Variants in ANO3 observed in about 807,000 individuals in gnomAD.
ANO3 encodes anoctamin 3, also known as anoctamin-3.
In ANO3, 99 loss-of-function variants were observed where a neutral mutation model predicts 144.8. That is an observed-to-expected ratio of 0.68 (90% confidence interval 0.58 to 0.81). ANO3 has a LOEUF of 0.81. ANO3 is among the 30% of genes least tolerant of loss of function. The probability of loss-of-function intolerance (pLI) is 0.00; values close to 1 mark genes in which losing one functional copy is unlikely to be tolerated. For missense variants in ANO3, 905 were observed against 1,202.2 expected, an observed-to-expected ratio of 0.75 and a Z score of 3.66; for synonymous variants, 414 against 392.6, an observed-to-expected ratio of 1.05 and a Z score of -0.64.
intron 1 of ANO3, among the ~76,000 whole-genome samples, chr11:26,214,350 C>T (rs186964481): frequency 6.6e-6 from 1 of 151,930 alleles, no homozygotes; most frequent in East Asian, 1.9e-4. Flanking sequence ...GAGTTTACAA[C>T]TGTCATGCAT....
chr11:26,283,490 T>C (rs954575213), intron 1 of ANO3, among the ~76,000 whole-genome samples: 2 of 151,364 alleles, frequency 1.3e-5, no homozygotes, highest in African/African-American at 4.8e-5. Flanking sequence ...ATTGGTTAAT[T>C]ATGTAAAACA....
At chr11:26,588,300 C>T (rs1416953821) in intron 14 of ANO3, among the ~76,000 whole-genome samples, 1 of 149,986 alleles carries the variant, frequency 6.7e-6, no homozygotes, top group African/African-American at 2.5e-5. Context: ...CAATTTATTT[C>T]AATTAGTGTT....
intron 1 of ANO3, among the ~76,000 whole-genome samples, chr11:26,212,938 C>G (rs1851963843): frequency 6.6e-6 from 1 of 152,124 alleles, no homozygotes; most frequent in African/African-American, 2.4e-5. Context: ...CCACCATGAT[C>G]AAGTCAGCTT....
chr11:26,367,964 C>A (rs1034681443), intron 1 of ANO3, among the ~76,000 whole-genome samples: 1 of 152,144 alleles, frequency 6.6e-6, no homozygotes, highest in African/African-American at 2.4e-5. Flanking sequence ...CATGAGAAAT[C>A]CACCCCCATG....
chr11:26,416,311 C>G (rs193270337), intron 1 of ANO3, among the ~76,000 whole-genome samples: 8 of 151,948 alleles, frequency 5.3e-5, no homozygotes, highest in African/African-American at 1.9e-4. Flanking sequence ...TTAGTTGACA[C>G]CCAGGGTAAT....
intron 14 of ANO3, among the ~76,000 whole-genome samples, chr11:26,575,326 C>A (rs920449436): frequency 6.6e-6 from 1 of 151,576 alleles, no homozygotes; most frequent in Non-Finnish European, 1.5e-5. Context: ...GCCTAATGGT[C>A]ACAAGAAATT....
chr11:26,595,829 C>T (rs293959), intron 14 of ANO3, among the ~76,000 whole-genome samples: 17,620 of 152,080 alleles, frequency 0.12, 1,174 homozygotes, highest in Admixed American at 0.21. Flanking sequence ...TACTTTTTTG[C>T]TTTTTTTGAT....
intron 1 of ANO3, among the ~76,000 whole-genome samples, chr11:26,414,766 A>G (rs1277754767): frequency 2.6e-5 from 4 of 151,826 alleles, no homozygotes; most frequent in African/African-American, 4.8e-5. Context: ...GTTAAAAAAA[A>G]AAAAAAAAAG....
At position 26,537,393 on chromosome 11, in the gene ANO3, C is replaced by A; in HGVS notation, c.977-13C>A. The A allele has an allele frequency of 6.2e-7, 1 of 1,606,116 alleles. No individual in the cohort carries two copies. The highest frequency in any genetic ancestry group is 1.7e-5 in the Admixed American group (1 of 59,998). On this transcript the variant is annotated splice_polypyrimidine_tract_variant and intron_variant, in intron 9 of 26. Transcript: ENST00000256737. ...AAACTAACTCAATAACTGTCCTTTT[C>A]TTCTCTTTGCAGGTATCCGTAAACT...
intron 1 of ANO3, among the ~76,000 whole-genome samples, chr11:26,415,093 G>C (rs1442733922): frequency 8.9e-6 from 1 of 112,780 alleles, no homozygotes; most frequent in South Asian, 3.4e-4. Context: ...TGTGTGTTTG[G>C]GAGTGAGTGT....
chr11:26,514,707 T>C (rs1861796893), intron 5 of ANO3, among the ~76,000 whole-genome samples: 1 of 152,100 alleles, frequency 6.6e-6, no homozygotes, highest in Admixed American at 6.6e-5. Context: ...ACGAAGGATC[T>C]TTGTCATCAT....
chr11:26,443,388 G>A (rs1858592330), intron 2 of ANO3, among the ~76,000 whole-genome samples: 1 of 151,934 alleles, frequency 6.6e-6, no homozygotes, highest in Non-Finnish European at 1.5e-5. Context: ...GATCACTTGA[G>A]GCCAGGAGTT....
chr11:26,436,463 T>C (rs893178488), intron 1 of ANO3, among the ~76,000 whole-genome samples: 2 of 152,102 alleles, frequency 1.3e-5, no homozygotes, highest in East Asian at 3.9e-4. Flanking sequence ...TCACCTCCAA[T>C]TTTCCAGTAC....
chr11:26,224,013 C>T (rs1208170967), intron 1 of ANO3, among the ~76,000 whole-genome samples: 1 of 152,098 alleles, frequency 6.6e-6, no homozygotes, highest in African/African-American at 2.4e-5. Context: ...ACTATATCAC[C>T]GTTGGAAAAG....
At chr11:26,471,797 G>A (rs968593067) in intron 4 of ANO3, among the ~76,000 whole-genome samples, 2 of 151,866 alleles carry the variant, frequency 1.3e-5, no homozygotes, top group African/African-American at 4.8e-5. Context: ...TTAGGAAGTC[G>A]TATTTCATAT....
chr11:26,486,158 C>G (rs931923766), intron 4 of ANO3, among the ~76,000 whole-genome samples: 2 of 151,886 alleles, frequency 1.3e-5, no homozygotes, highest in Admixed American at 1.3e-4. Flanking sequence ...GTCAGGAGTT[C>G]AAGACCAGTC....
intron 1 of ANO3, among the ~76,000 whole-genome samples, chr11:26,275,258 G>A (rs565003808): frequency 2.0e-5 from 3 of 152,090 alleles, no homozygotes; most frequent in South Asian, 4.1e-4. Context: ...ACTGAAAAAT[G>A]TTTTCTTACT....
At chr11:26,216,829 A>T (rs929215286) in intron 1 of ANO3, among the ~76,000 whole-genome samples, 3 of 152,126 alleles carry the variant, frequency 2.0e-5, no homozygotes, top group Admixed American at 2.0e-4. Context: ...AAGATGTTGG[A>T]AATATTTTGT....
chr11:26,256,796 C>CT (rs1009236932), intron 1 of ANO3, among the ~76,000 whole-genome samples: 17 of 151,212 alleles, frequency 1.1e-4, no homozygotes, highest in South Asian at 2.1e-4. Flanking sequence ...ATAGGTGTGT[C>CT]TTTTTTTTTA....
Sources: gnomAD v4.1 joint callset for allele counts (sites outside exome capture counted in the v4.1 genomes callset) on GRCh38, gnomAD v4.1.1 for gene constraint, MANE v1.5 for transcripts, NCBI Gene and HGNC (gene_info 2026-07-23, HGNC 2026-07-21) for gene names.